Variants in CYP2C19 observed in about 807,000 individuals in gnomAD.
CYP2C19 encodes the protein cytochrome P450 2C19.
CYP2C19 carries 59 observed loss-of-function variants against 40.9 expected under a neutral mutation model. That is an observed-to-expected ratio of 1.44 (90% CI 1.17 to 1.79). CYP2C19 has a LOEUF of 1.79. Among genes scored for constraint, CYP2C19 ranks in the 40% most tolerant of loss-of-function variants. The pLI is 0.00. For synonymous variants in CYP2C19, 253 were observed against 208.7 expected (o/e 1.21, Z -1.83); for missense variants, 754 against 596.9 (o/e 1.26, Z -2.74).
At chr10:94,851,052 G>A (rs1168330038) in intron 8 of CYP2C19, among the ~76,000 whole-genome samples, 2 of 152,112 alleles carry the variant, frequency 1.3e-5, no homozygotes, top group African/African-American at 2.4e-5. Context: ...TTCACATTTA[G>A]CACATGTATC....
chr10:94,816,019 A>T (rs1183183544), intron 5 of CYP2C19, among the ~76,000 whole-genome samples: 6 of 152,090 alleles, frequency 3.9e-5, no homozygotes, highest in African/African-American at 1.4e-4. Flanking sequence ...AAATGTCTTT[A>T]TGTCTTCTCA....
chr10:94,834,384 C>T (rs946797804), intron 6 of CYP2C19, among the ~76,000 whole-genome samples: 1 of 151,632 alleles, frequency 6.6e-6, no homozygotes, highest in Non-Finnish European at 1.5e-5. Flanking sequence ...TTTGAAACTT[C>T]TTTTTTTTCT....
chr10:94,766,277 T>C (rs1848242153), intron 1 of CYP2C19, among the ~76,000 whole-genome samples: 1 of 146,222 alleles, frequency 6.8e-6, no homozygotes, highest in Non-Finnish European at 1.5e-5. Context: ...TAGAGATAAT[T>C]AGGAGCTAGT....
At chr10:94,800,799 C>T (rs1416795993) in intron 5 of CYP2C19, among the ~76,000 whole-genome samples, 1 of 152,214 alleles carries the variant, frequency 6.6e-6, no homozygotes, top group Non-Finnish European at 1.5e-5. Flanking sequence ...GTGAACAAGG[C>T]TCCATGGGCA....
At position 94,854,568 on chromosome 10, in the gene CYP2C19, C is replaced by T. The variant is rs554162584; in HGVS notation, c.*1654C>T. 6.6e-6 allele frequency among the ~76,000 whole-genome samples: 1 copy of T among 151,996 alleles called. No homozygotes were observed. The highest frequency in any genetic ancestry group is 2.4e-5 in the African/African-American group (1 of 41,448). On this transcript the variant is annotated 3_prime_UTR_variant, in exon 9 of 9. Transcript: ENST00000371321. The stretch of plus-strand genomic sequence containing the variant: ...GATTATGCTTTTCACAGCTCATCTC[C>T]TAGAACAAGCTACTTACAATTTGGA...
Position 94,853,814 on chromosome 10 carries a change from G to A in CYP2C19, c.*900G>A, listed in dbSNP as rs567010370. Among the ~76,000 whole-genome samples, 6 of 152,098 alleles carry A rather than the reference G, an allele frequency of 3.9e-5. No homozygotes were observed. The South Asian group carries it at 8.3e-4, about 21-fold the overall frequency. On this transcript the variant is annotated 3_prime_UTR_variant, in exon 9 of 9. Coordinates refer to ENST00000371321, the MANE Select transcript of CYP2C19 (RefSeq NM_000769.4). ...GCCTGCCTCAGCCTCCCAAAGTGCT[G>A]GGATTACAGGAGTGAGACACTGTGC...
At chr10:94,830,405 G>A (rs1849314540) in intron 6 of CYP2C19, among the ~76,000 whole-genome samples, 1 of 152,220 alleles carries the variant, frequency 6.6e-6, no homozygotes, top group African/African-American at 2.4e-5. Flanking sequence ...TCGGGTGGGA[G>A]TGACCCGATT....
chr10:94,808,248 T>C (rs1589361943), intron 5 of CYP2C19, among the ~76,000 whole-genome samples: 2 of 151,964 alleles, frequency 1.3e-5, no homozygotes, highest in East Asian at 3.9e-4. Context: ...GCCAGTATAA[T>C]GTTATTTTAG....
chr10:94,794,660 T>C (rs1413762165), intron 5 of CYP2C19, among the ~76,000 whole-genome samples: 1 of 152,120 alleles, frequency 6.6e-6, no homozygotes, highest in Admixed American at 6.6e-5. Context: ...ATTCTATTTA[T>C]AACAATTTTG....
At chr10:94,802,769 G>C (rs999198502) in intron 5 of CYP2C19, among the ~76,000 whole-genome samples, 2 of 152,094 alleles carry the variant, frequency 1.3e-5, no homozygotes, top group African/African-American at 4.8e-5. Flanking sequence ...ATTCTTGTAA[G>C]GCAGGCCTGG....
intron 5 of CYP2C19, among the ~76,000 whole-genome samples, chr10:94,807,758 T>A (rs1848855913): frequency 6.6e-6 from 1 of 152,132 alleles, no homozygotes; most frequent in Non-Finnish European, 1.5e-5. Context: ...TTCTGTTGAA[T>A]TGTTTGAGTT....
At chr10:94,788,693 G>A (rs1848572289) in intron 5 of CYP2C19, among the ~76,000 whole-genome samples, 1 of 152,016 alleles carries the variant, frequency 6.6e-6, no homozygotes, top group Non-Finnish European at 1.5e-5. Flanking sequence ...CTTTTTAATG[G>A]CTACATAGTA....
chr10:94,811,834 G>A (rs1848929763), intron 5 of CYP2C19, among the ~76,000 whole-genome samples: 1 of 151,858 alleles, frequency 6.6e-6, no homozygotes, highest in African/African-American at 2.4e-5. Flanking sequence ...TATCCAATTT[G>A]CCAGTCTGTG....
In CYP2C19 at chr10:94,850,057, A is replaced by G; in HGVS notation, c.1290A>G (p.Ala430=). 6.2e-7 allele frequency: 1 copy of G among 1,613,308 alleles called. No individual in the cohort carries two copies. The highest frequency in any genetic ancestry group is 8.5e-7 in the Non-Finnish European group (1 of 1,179,466). Residue 430 remains alanine, a splice_region_variant and synonymous_variant, in exon 8 of 9, where the codon GCA becomes GCG. Transcript: ENST00000371321. ...KKSNYFMPFS[A]GKRICVGEGL... ...GTAACTACTTCATGCCTTTCTCAGC[A>G]GGTAATATAAATTTATTTCCCTTTG...
intron 6 of CYP2C19, among the ~76,000 whole-genome samples, chr10:94,836,815 T>A (rs1407863729): frequency 6.6e-6 from 1 of 152,204 alleles, no homozygotes; most frequent in Non-Finnish European, 1.5e-5. Context: ...CTTGGGTGGC[T>A]TGATGGCACA....
intron 1 of CYP2C19, among the ~76,000 whole-genome samples, chr10:94,769,632 G>A (rs1848299758): frequency 6.6e-6 from 1 of 152,068 alleles, no homozygotes; most frequent in South Asian, 2.1e-4. Flanking sequence ...GGTGTCGCAG[G>A]GACTGCTGCA....
At chr10:94,842,713 G>A in intron 6 of CYP2C19, 124 bp from the exon 7 acceptor site, 1 of 1,082,150 alleles carries the variant, frequency 9.2e-7, no homozygotes, top group South Asian at 1.4e-5. Flanking sequence ...CATACTTCCA[G>A]CACTATAATT....
rs180948009 is a variant in CYP2C19, at chr10:94,855,519, A to G, written c.*2605A>G. On this transcript the variant is annotated 3_prime_UTR_variant, in exon 9 of 9. Transcript: ENST00000371321. ...CCAGCCACCTGAAACACTGTTTAGA[A>G]GATACTGGCTCAATAAATATTTAAT... is the stretch of plus-strand genomic sequence containing the variant. Among the ~76,000 whole-genome samples the G allele has an allele frequency of 6.6e-6, 1 of 152,350 alleles. No individual in the cohort carries two copies. The highest frequency in any genetic ancestry group is 2.4e-5 in the African/African-American group (1 of 41,580).
intron 5 of CYP2C19, among the ~76,000 whole-genome samples, chr10:94,809,922 C>T (rs1848889039): frequency 2.0e-5 from 3 of 152,062 alleles, no homozygotes; most frequent in Admixed American, 2.0e-4. Flanking sequence ...TGCCCTGTCA[C>T]CCAGGCTGGA....
Sources: gnomAD v4.1 joint callset for allele counts (sites outside exome capture counted in the v4.1 genomes callset) on GRCh38, gnomAD v4.1.1 for gene constraint, MANE v1.5 for transcripts, NCBI Gene and HGNC (gene_info 2026-07-23, HGNC 2026-07-21) for gene names.